CNTN4: variants seen among roughly 807,000 people sequenced by gnomAD.
CNTN4 encodes the protein contactin-4.
A neutral mutation model predicts 122.5 loss-of-function variants in CNTN4; 77 were observed. That is an observed-to-expected ratio of 0.63 (90% CI 0.52 to 0.76). The LOEUF is 0.76. Ranked by LOEUF, CNTN4 falls within the 30% of genes least tolerant of loss-of-function variation. The pLI, the probability that CNTN4 is intolerant of heterozygous loss-of-function variation, is 0.00. For missense variants in CNTN4, 1,256 were observed against 1,259.1 expected (o/e 1.00, Z 0.04); for synonymous variants, 512 against 447.0 (o/e 1.15, Z -1.83).
At position 2,925,309 on chromosome 3, in the gene CNTN4, A is replaced by C. The variant is rs2094463214; in HGVS notation, c.1208-320A>C. The stretch of plus-strand genomic sequence containing the variant: ...GGTGGCTCATGCCTGTAATCCCCGC[A>C]CTTTGGGAGGCTGAGGCGGGCGGAT... On this transcript the variant is annotated intron_variant, in intron 12 of 24. Coordinates refer to ENST00000418658, the MANE Select transcript of CNTN4 (RefSeq NM_175607.3). Among the ~76,000 whole-genome samples, 3 of 152,182 alleles carry C rather than the reference A, an allele frequency of 2.0e-5. No homozygotes were observed. In the South Asian group the frequency reaches 6.2e-4, roughly 32 times the overall value.
chr3:2,941,928 A>G (rs1409047132), intron 13 of CNTN4, among the ~76,000 whole-genome samples: 1 of 152,188 alleles, frequency 6.6e-6, no homozygotes, highest in Admixed American at 6.5e-5. Flanking sequence ...GAGGCCGTGT[A>G]TACCGCACTT....
At chr3:3,038,844 T>C in intron 18 of CNTN4, 89 bp from the exon 19 acceptor site, 1 of 1,078,228 alleles carries the variant, frequency 9.3e-7, no homozygotes, top group East Asian at 2.4e-5. Context: ...GAGTACTCAC[T>C]GAAAGTGAGT....
At position 2,435,599 on chromosome 3, in the gene CNTN4, C is replaced by T. The variant is rs1006066022; in HGVS notation, c.-89+96366C>T. ...AAGGCTTCTCAGTTGACCTGCAGAA[C>T]ACAGGAAATTATTTTAGTTACTCAT... On this transcript the variant is annotated intron_variant, in intron 3 of 24. Transcript: ENST00000418658. Among the ~76,000 whole-genome samples, 3 of 152,134 alleles carry T rather than the reference C, an allele frequency of 2.0e-5. No homozygotes were observed. In the East Asian group the frequency reaches 5.8e-4, roughly 29 times the overall value.
At chr3:2,243,064 G>A (rs186959745) in intron 2 of CNTN4, among the ~76,000 whole-genome samples, 1 of 152,218 alleles carries the variant, frequency 6.6e-6, no homozygotes, top group African/African-American at 2.4e-5. Flanking sequence ...CATCATCTCA[G>A]CTCTCCATGC....
At chr3:2,221,626 A>G (rs1325730729) in intron 2 of CNTN4, among the ~76,000 whole-genome samples, 1 of 152,070 alleles carries the variant, frequency 6.6e-6, no homozygotes, top group Admixed American at 6.6e-5. Context: ...GAGGTGGAGA[A>G]AATACTTTTA....
intron 6 of CNTN4, among the ~76,000 whole-genome samples, chr3:2,764,091 T>C (rs2149712943): frequency 6.6e-6 from 1 of 152,282 alleles, no homozygotes; most frequent in African/African-American, 2.4e-5. Context: ...GACTGTAGCA[T>C]TCATCCATTC....
chr3:2,107,203 T>G (rs1478075201), intron 2 of CNTN4, among the ~76,000 whole-genome samples: 1 of 152,180 alleles, frequency 6.6e-6, no homozygotes, highest in East Asian at 1.9e-4. Flanking sequence ...CAAAGTTGCT[T>G]CCACATTTTC....
intron 2 of CNTN4, among the ~76,000 whole-genome samples, chr3:2,266,165 A>G (rs1283579359): frequency 6.6e-6 from 1 of 151,982 alleles, no homozygotes; most frequent in Non-Finnish European, 1.5e-5. Context: ...AAGGCTTTCA[A>G]TTTTACCCCA....
intron 2 of CNTN4, among the ~76,000 whole-genome samples, chr3:2,191,378 G>A (rs1334517286): frequency 6.6e-6 from 1 of 151,934 alleles, no homozygotes; most frequent in Non-Finnish European, 1.5e-5. Context: ...TACATTAAAG[G>A]TTTTATAAGT....
In CNTN4 at chr3:2,308,749, C is replaced by T. The variant is rs964910595; in HGVS notation, c.-144-30429C>T. On this transcript the variant is annotated intron_variant, in intron 2 of 24. Coordinates refer to ENST00000418658, the MANE Select transcript of CNTN4 (RefSeq NM_175607.3). ...ATTTAATTTTATTGTGGTCAGAGAA[C>T]GTTTTATGATTTTATTCCTTTTAAA... 1.4e-4 allele frequency among the ~76,000 whole-genome samples: 22 copies of T among 151,988 alleles called. No homozygotes were observed. In the East Asian group the frequency reaches 1.5e-3, roughly 11 times the overall value.
chr3:2,195,266 T>A (rs2037782462), intron 2 of CNTN4, among the ~76,000 whole-genome samples: 1 of 152,260 alleles, frequency 6.6e-6, no homozygotes, highest in South Asian at 2.1e-4. Flanking sequence ...TTCTTTTTCA[T>A]GTCTGAATAG....
At chr3:2,860,558 A>G (rs139461978) in intron 7 of CNTN4, among the ~76,000 whole-genome samples, 107 of 152,268 alleles carry the variant, frequency 7.0e-4, no homozygotes, top group African/African-American at 2.4e-3. Flanking sequence ...TACCGTCATT[A>G]TAGGTTTAAA....
intron 6 of CNTN4, among the ~76,000 whole-genome samples, chr3:2,775,292 C>T (rs1246110837): frequency 6.6e-6 from 1 of 152,142 alleles, no homozygotes; most frequent in Admixed American, 6.5e-5. Flanking sequence ...ATCTCTTCTC[C>T]TCCCGTGTTC....
chr3:2,921,434 C>T (rs1253223761), intron 12 of CNTN4, among the ~76,000 whole-genome samples: 1 of 152,218 alleles, frequency 6.6e-6, no homozygotes, highest in Non-Finnish European at 1.5e-5. Flanking sequence ...AGCAATCCAA[C>T]AGGCCAAAAG....
rs577476159 is a variant in CNTN4, at chr3:2,430,357, G to T, written c.-89+91124G>T. On this transcript the variant is annotated intron_variant, in intron 3 of 24. Transcript: ENST00000418658. ...GAATGGCATGAACCTGGGAGGCGGA[G>T]CTTGCAGTGAGCCAAGATTGGGCCA... is the stretch of plus-strand genomic sequence containing the variant. Among the ~76,000 whole-genome samples the T allele has an allele frequency of 2.8e-3, 423 of 150,634 alleles. 7 individuals are homozygous for T. Among genetic ancestry groups the T allele is most frequent in the Non-Finnish European group, 9.1e-4 (62 of 67,764 alleles).
intron 2 of CNTN4, among the ~76,000 whole-genome samples, chr3:2,224,922 G>A (rs1014425478): frequency 4.6e-5 from 7 of 151,890 alleles, no homozygotes; most frequent in East Asian, 3.9e-4. Flanking sequence ...AGGCCGAGGC[G>A]GGTGGATCAC....
At chr3:2,298,353 A>T (rs2042386439) in intron 2 of CNTN4, among the ~76,000 whole-genome samples, 1 of 152,048 alleles carries the variant, frequency 6.6e-6, no homozygotes, top group Non-Finnish European at 1.5e-5. Context: ...AATTAGTCAG[A>T]ATTAGTATAT....
chr3:2,610,428 C>T (rs1056425104), intron 4 of CNTN4, among the ~76,000 whole-genome samples: 3 of 152,136 alleles, frequency 2.0e-5, no homozygotes, highest in African/African-American at 7.2e-5. Context: ...AAGCCCGTGG[C>T]CTTCTAAAAT....
Position 2,163,382 on chromosome 3 carries a change from C to T in CNTN4, c.-145+62743C>T, listed in dbSNP as rs542353176. 5.3e-5 allele frequency among the ~76,000 whole-genome samples: 8 copies of T among 152,198 alleles called. No individual in the cohort carries two copies. In the East Asian group the frequency reaches 1.2e-3, roughly 22 times the overall value. Reference sequence around the variant, plus strand: ...ATTCATCAAAGACTTAAATCTAAGACATGAAACCATAGAAATTCTAGAAGA... The same window carrying T: ...ATTCATCAAAGACTTAAATCTAAGATATGAAACCATAGAAATTCTAGAAGA... On this transcript the variant is annotated intron_variant, in intron 2 of 24. Transcript: ENST00000418658.
Sources: gnomAD v4.1 joint callset for allele counts (sites outside exome capture counted in the v4.1 genomes callset) on GRCh38, gnomAD v4.1.1 for gene constraint, MANE v1.5 for transcripts, NCBI Gene and HGNC (gene_info 2026-07-23, HGNC 2026-07-21) for gene names.